NDFIP1: variants seen among roughly 807,000 people sequenced by gnomAD.
The protein encoded by NDFIP1 is Nedd4 family interacting protein 1.
In NDFIP1, 7 loss-of-function variants were observed where a neutral mutation model predicts 28.8. The ratio of observed to expected loss-of-function variants is 0.24; its 90% CI spans 0.14 to 0.46. The LOEUF is 0.46. Ranked by LOEUF, NDFIP1 falls within the 20% of genes least tolerant of loss-of-function variation. The pLI, the probability that NDFIP1 is intolerant of heterozygous loss-of-function variation, is 0.99. For synonymous variants in NDFIP1, 92 were observed against 101.0 expected (o/e 0.91, Z 0.53); for missense variants, 194 against 269.1 (o/e 0.72, Z 1.95).
In NDFIP1 at chr5:142,151,724, C is replaced by T. The variant is rs1271062617; in HGVS notation, c.*3-7C>T. The T allele has an allele frequency of 1.3e-5, 2 of 152,674 alleles. No homozygotes were observed. The highest frequency in any genetic ancestry group is 4.8e-5 in the African/African-American group (2 of 41,452). 9.5% of individuals were successfully genotyped at this position (152,674 alleles called of 1,614,324 possible). On this transcript the variant is annotated splice_polypyrimidine_tract_variant and splice_region_variant and intron_variant, in intron 7 of 7. Transcript: ENST00000253814. The stretch of plus-strand genomic sequence containing the variant: ...GAGTTTCAATATTCAATATCCTTCT[C>T]TGGCAGATGTTTTCTGGCAAAGGCC...
intron 7 of NDFIP1, among the ~76,000 whole-genome samples, chr5:142,145,757 G>C (rs764601069): frequency 3.4e-4 from 51 of 152,130 alleles, no homozygotes; most frequent in Non-Finnish European, 2.6e-4. Flanking sequence ...CAGATACCTT[G>C]AGCACCAAGC....
At chr5:142,117,138 G>A (rs1212262233) in intron 1 of NDFIP1, among the ~76,000 whole-genome samples, 3 of 152,100 alleles carry the variant, frequency 2.0e-5, no homozygotes, top group Non-Finnish European at 4.4e-5. Context: ...ATAATCAAAG[G>A]CTTGAATACA....
chr5:142,152,482 C>G lies in NDFIP1; in HGVS notation c.*754C>G, dbSNP rs1455041465. The stretch of plus-strand genomic sequence containing the variant: ...TGACACTCTTTCTATAATTAGCGTT[C>G]TTCACCCCCACCCCCACCCCCACCC... On this transcript the variant is annotated 3_prime_UTR_variant, in exon 8 of 8. Transcript: ENST00000253814. The G allele has an allele frequency of 6.6e-6, 1 of 151,892 alleles. No homozygotes were observed. The highest frequency in any genetic ancestry group is 2.4e-5 in the African/African-American group (1 of 41,304). 9.4% of individuals were successfully genotyped at this position (151,892 alleles called of 1,614,324 possible). A position where few individuals can be genotyped will look rare whatever the true frequency, so the allele number is the denominator to read the frequency against.
At chr5:142,116,358 C>T (rs980106043) in intron 1 of NDFIP1, among the ~76,000 whole-genome samples, 2 of 53,094 alleles carry the variant, frequency 3.8e-5, no homozygotes, top group East Asian at 3.8e-4. Context: ...TTCTTTCTCT[C>T]TCTCTCTCTC....
chr5:142,132,006 C>T, intron 2 of NDFIP1, 111 bp downstream of exon 2: 1 of 1,170,746 alleles, frequency 8.5e-7, no homozygotes, highest in Non-Finnish European at 1.2e-6. Context: ...GGTTACAAAG[C>T]AAGTCTGGAT....
In NDFIP1 at chr5:142,151,879, C is replaced by T. The variant is rs896334310; in HGVS notation, c.*151C>T. 6.5e-6 allele frequency: 1 copy of T among 152,716 alleles called. No homozygotes were observed. The highest frequency in any genetic ancestry group is 2.4e-5 in the African/African-American group (1 of 41,440). 9.5% of individuals were successfully genotyped at this position (152,716 alleles called of 1,614,324 possible). On this transcript the variant is annotated 3_prime_UTR_variant, in exon 8 of 8. Transcript: ENST00000253814. ...GTACTGTTGAAAAGATCATTTCTCTCTATTTGTTCCTAGGTGTAAAATTTT... is the reference window on the plus strand; with the variant it reads ...GTACTGTTGAAAAGATCATTTCTCTTTATTTGTTCCTAGGTGTAAAATTTT...
chr5:142,116,352 TTCTCTCTCTC>T (rs59802611), intron 1 of NDFIP1, among the ~76,000 whole-genome samples: 2 of 116,274 alleles, frequency 1.7e-5, no homozygotes, highest in Non-Finnish European at 3.5e-5. Flanking sequence ...CCTTCCTTCT[TTCTCTCTCTC>T]TCTCTCTCTC....
chr5:142,108,801 CG>C lies in NDFIP1; in HGVS notation c.-172del. Reference sequence around the variant, plus strand: ...CCCAGGGGCCGCGTCGGAGCCTCGGCGGCGGCGGCGGTGCTTACAGCCTGAG... The same window carrying C: ...CCCAGGGGCCGCGTCGGAGCCTCGGCGCGGCGGCGGTGCTTACAGCCTGAG... On this transcript the variant is annotated 5_prime_UTR_variant, in exon 1 of 8. Transcript: ENST00000253814. 5 of 466,200 alleles carry C rather than the reference CG, an allele frequency of 1.1e-5. No individual in the cohort carries two copies. Among genetic ancestry groups the C allele is most frequent in the South Asian group, 5.3e-5 (1 of 18,748 alleles). The allele number at this position is 466,200 out of a possible 1,614,324, so 28.9% of individuals were successfully genotyped here.
chr5:142,152,114 A>G lies in NDFIP1; in HGVS notation c.*386A>G, dbSNP rs1757452990. ...AAATGAACTTGGAATTAAATATTGT[A>G]AGATATGTATAATGCTGGCCATTTT... On this transcript the variant is annotated 3_prime_UTR_variant, in exon 8 of 8. Coordinates refer to ENST00000253814, the MANE Select transcript of NDFIP1 (RefSeq NM_030571.4). The G allele has an allele frequency of 6.5e-6, 1 of 152,778 alleles. No homozygotes were observed. The highest frequency in any genetic ancestry group is 1.5e-5 in the Non-Finnish European group (1 of 68,028). The allele number at this position is 152,778 out of a possible 1,614,324, so 9.5% of individuals were successfully genotyped here.
intron 1 of NDFIP1, among the ~76,000 whole-genome samples, chr5:142,121,437 A>G (rs997248897): frequency 6.6e-6 from 1 of 152,240 alleles, no homozygotes; most frequent in African/African-American, 2.4e-5. Flanking sequence ...AATACATAGT[A>G]TAGATATACC....
chr5:142,149,246 TTC>T, intron 7 of NDFIP1, among the ~76,000 whole-genome samples: 1 of 152,102 alleles, frequency 6.6e-6, no homozygotes, highest in East Asian at 1.9e-4. Context: ...TCCTTAATAC[TTC>T]TTTTATTTTA....
In NDFIP1 at chr5:142,116,523, C is replaced by T. The variant is rs187690341; in HGVS notation, c.63+7486C>T. ...AGCTGGGACTACAGGTGCCCGCCAGCAGGCCCGGCTAATTTTTGTATTTTT... is the reference window on the plus strand; with the variant it reads ...AGCTGGGACTACAGGTGCCCGCCAGTAGGCCCGGCTAATTTTTGTATTTTT... On this transcript the variant is annotated intron_variant, in intron 1 of 7. Transcript: ENST00000253814. 6.0e-3 allele frequency among the ~76,000 whole-genome samples: 910 copies of T among 152,020 alleles called. 5 individuals carry two copies. Among genetic ancestry groups the T allele is most frequent in the Non-Finnish European group, 0.01 (692 of 68,000 alleles).
intron 1 of NDFIP1, among the ~76,000 whole-genome samples, chr5:142,117,375 C>G (rs1039018731): frequency 6.6e-6 from 1 of 151,626 alleles, no homozygotes; most frequent in African/African-American, 2.4e-5. Flanking sequence ...TCCTGAGTAG[C>G]TGGGACTACA....
rs1413914808 is a variant in NDFIP1, at chr5:142,154,365, A to T, written c.*2637A>T. The T allele has an allele frequency of 1.5e-4, 23 of 148,598 alleles. No individual in the cohort carries two copies. The highest frequency in any genetic ancestry group is 4.2e-4 in the African/African-American group (17 of 40,510). 9.2% of individuals were successfully genotyped at this position (148,598 alleles called of 1,614,324 possible). Reference sequence around the variant, plus strand: ...TATGTTTAAAGGGTTCTGTATAGCCATTTTTTTTTTCAGAAAGTTACATTG... The same window carrying T: ...TATGTTTAAAGGGTTCTGTATAGCCTTTTTTTTTTTCAGAAAGTTACATTG... On this transcript the variant is annotated 3_prime_UTR_variant, in exon 8 of 8. Coordinates refer to ENST00000253814, the MANE Select transcript of NDFIP1 (RefSeq NM_030571.4).
In NDFIP1 at chr5:142,153,600, C is replaced by T; in HGVS notation, c.*1872C>T. ...AGAGAAGGGAGTTTTATGGAAGTTT[C>T]TTTGAAGATTTTTTTTTTTCCATTT... is the stretch of plus-strand genomic sequence containing the variant. On this transcript the variant is annotated 3_prime_UTR_variant, in exon 8 of 8. Transcript: ENST00000253814. 6.9e-6 allele frequency: 2 copies of T among 288,234 alleles called. No individual in the cohort carries two copies. Among genetic ancestry groups the T allele is most frequent in the East Asian group, 8.5e-5 (1 of 11,754 alleles). The allele number at this position is 288,234 out of a possible 1,614,324, so 17.9% of individuals were successfully genotyped here.
At chr5:142,150,878 A>G (rs1596797860) in intron 7 of NDFIP1, among the ~76,000 whole-genome samples, 1 of 152,186 alleles carries the variant, frequency 6.6e-6, no homozygotes, top group African/African-American at 2.4e-5. Context: ...GTTTCTCAAT[A>G]AATGTTTATT....
At chr5:142,139,647 A>C (rs1468703080) in intron 5 of NDFIP1, among the ~76,000 whole-genome samples, 1 of 152,206 alleles carries the variant, frequency 6.6e-6, no homozygotes, top group African/African-American at 2.4e-5. Context: ...TCCTGTGCCC[A>C]TTCCTAAACC....
chr5:142,137,958 G>T, intron 5 of NDFIP1, 100 bp downstream of exon 5: 18 of 1,426,068 alleles, frequency 1.3e-5, no homozygotes, highest in Non-Finnish European at 1.7e-5. Flanking sequence ...AGTTATTTCA[G>T]TGTGTTAAAT....
At chr5:142,134,596 T>C (rs1005897554) in intron 3 of NDFIP1, among the ~76,000 whole-genome samples, 1 of 152,224 alleles carries the variant, frequency 6.6e-6, no homozygotes, top group African/African-American at 2.4e-5. Flanking sequence ...CCCTTTTCTG[T>C]GTACAACAAG....
Sources: gnomAD v4.1 joint callset for allele counts (sites outside exome capture counted in the v4.1 genomes callset) on GRCh38, gnomAD v4.1.1 for gene constraint, MANE v1.5 for transcripts, NCBI Gene and HGNC (gene_info 2026-07-23, HGNC 2026-07-21) for gene names.